The following GPHN variants were observed in gnomAD, a reference collection of about 807,000 sequenced individuals.
GPHN encodes the protein gephyrin.
In GPHN, 17 loss-of-function variants were observed where a neutral mutation model predicts 95.5. The observed-to-expected ratio is 0.18, with a 90% confidence interval of 0.12 to 0.27. The LOEUF (loss-of-function observed/expected upper bound fraction) is 0.27. Ranked by LOEUF, GPHN falls within the 10% of genes least tolerant of loss-of-function variation. GPHN has a pLI of 1.00. For missense variants in GPHN, 660 were observed against 978.1 expected, an observed-to-expected ratio of 0.67 and a Z score of 4.34; for synonymous variants, 320 against 322.5, an observed-to-expected ratio of 0.99 and a Z score of 0.08.
chr14:67,571,723 C>G, the GPHN span: 3 of 1,603,692 alleles, frequency 1.9e-6, no homozygotes, highest in Non-Finnish European at 2.6e-6. Flanking sequence ...GCAGCCTGAG[C>G]TGCAGTGAGG....
chr14:66,870,545 A>G (rs1282841247), intron 4 of GPHN, among the ~76,000 whole-genome samples: 3 of 152,166 alleles, frequency 2.0e-5, no homozygotes, highest in African/African-American at 7.2e-5. Flanking sequence ...CTGTACCTAC[A>G]CTGTGATCCA....
chr14:66,621,985 C>T (rs751154711), intron 1 of GPHN, among the ~76,000 whole-genome samples: 3 of 152,106 alleles, frequency 2.0e-5, no homozygotes, highest in Non-Finnish European at 4.4e-5. Flanking sequence ...AGGTTGGAGC[C>T]CCAGTAGGAA....
At chr14:66,826,545 T>A (rs1442188584) in intron 4 of GPHN, among the ~76,000 whole-genome samples, 1 of 152,150 alleles carries the variant, frequency 6.6e-6, no homozygotes, top group East Asian at 1.9e-4. Context: ...TCTGTCCTAC[T>A]TGACTACAAA....
At chr14:66,753,946 A>G (rs1351794164) in intron 2 of GPHN, among the ~76,000 whole-genome samples, 1 of 152,116 alleles carries the variant, frequency 6.6e-6, no homozygotes, top group Non-Finnish European at 1.5e-5. Flanking sequence ...TAGACTTTTC[A>G]TAGCAATAGA....
chr14:67,735,276 C>T, the GPHN span: 2 of 980,276 alleles, frequency 2.0e-6, no homozygotes, highest in East Asian at 4.8e-5. Flanking sequence ...TTCAGAATCG[C>T]CTCGTGCTCA....
chr14:67,624,029 C>T, the GPHN span, among the ~76,000 whole-genome samples: 1,741 of 151,914 alleles, frequency 0.011, 11 homozygotes, highest in Non-Finnish European at 0.018. Flanking sequence ...TTTGTAGAGC[C>T]GGGGTCTCAC....
the GPHN span, among the ~76,000 whole-genome samples, chr14:67,502,731 C>A: frequency 4.6e-5 from 7 of 151,908 alleles, no homozygotes; most frequent in Non-Finnish European, 1.0e-4. Context: ...GGATTATAGG[C>A]GTGAGCCACC....
At chr14:67,419,270 C>T in the GPHN span, among the ~76,000 whole-genome samples, 4 of 152,136 alleles carry the variant, frequency 2.6e-5, no homozygotes, top group Non-Finnish European at 5.9e-5. Context: ...GAGGACCCCC[C>T]AGCACAGGAA....
At chr14:67,517,978 T>C in the GPHN span, among the ~76,000 whole-genome samples, 19,778 of 152,172 alleles carry the variant, frequency 0.13, 1,715 homozygotes, top group Non-Finnish European at 0.2. Flanking sequence ...TAAAATAGCA[T>C]CTGTAACAGT....
chr14:67,229,439 A>G, the GPHN span, among the ~76,000 whole-genome samples: 2 of 152,226 alleles, frequency 1.3e-5, no homozygotes, highest in Admixed American at 6.5e-5. Flanking sequence ...AGCACCTGCA[A>G]TGTAGCTAGT....
At chr14:66,625,369 G>A (rs545259515) in intron 1 of GPHN, among the ~76,000 whole-genome samples, 4 of 152,136 alleles carry the variant, frequency 2.6e-5, no homozygotes, top group Admixed American at 2.6e-4. Context: ...CACCATGCCC[G>A]GCCATTGTCT....
chr14:67,564,122 C>T, the GPHN span, among the ~76,000 whole-genome samples: 4 of 151,658 alleles, frequency 2.6e-5, no homozygotes, highest in African/African-American at 9.7e-5. Context: ...AGGATGGTCT[C>T]GATCTCCTGA....
At chr14:67,729,883 G>T in the GPHN span, 1 of 449,466 alleles carries the variant, frequency 2.2e-6, no homozygotes, top group Non-Finnish European at 4.5e-6. Flanking sequence ...TGAGCAACTA[G>T]AGTCTGGGAG....
intron 1 of GPHN, among the ~76,000 whole-genome samples, chr14:66,525,583 A>G (rs973884337): frequency 6.6e-6 from 1 of 152,240 alleles, no homozygotes; most frequent in Middle Eastern, 3.4e-3. Flanking sequence ...TATGTCCTGA[A>G]TGGTATTGCC....
chr14:67,621,655 G>A, the GPHN span, among the ~76,000 whole-genome samples: 1 of 151,752 alleles, frequency 6.6e-6, no homozygotes, highest in Non-Finnish European at 1.5e-5. Context: ...ATGTTGGTCA[G>A]GCTGGTCTTG....
chr14:67,671,282 T>C, the GPHN span, among the ~76,000 whole-genome samples: 2 of 152,156 alleles, frequency 1.3e-5, no homozygotes, highest in South Asian at 2.1e-4. Context: ...TCCTAGCACT[T>C]TGGGAGGCCG....
chr14:67,303,562 G>C, the GPHN span: 1 of 1,613,840 alleles, frequency 6.2e-7, no homozygotes, highest in African/African-American at 1.3e-5. Context: ...CTGATTCCCA[G>C]TCAACAGATC....
At chr14:67,657,751 C>CTTTT in the GPHN span, among the ~76,000 whole-genome samples, 8 of 115,106 alleles carry the variant, frequency 7.0e-5, no homozygotes, top group South Asian at 2.8e-4. Context: ...TTCTTTCTTT[C>CTTTT]TTTTTTTTTT....
chr14:67,307,008 C>G, the GPHN span, among the ~76,000 whole-genome samples: 1 of 152,046 alleles, frequency 6.6e-6, no homozygotes, highest in South Asian at 2.1e-4. Context: ...ATCTGAAACC[C>G]CTATATAATG....
Sources: gnomAD v4.1 joint callset for allele counts (sites outside exome capture counted in the v4.1 genomes callset) on GRCh38, gnomAD v4.1.1 for gene constraint, MANE v1.5 for transcripts, NCBI Gene and HGNC (gene_info 2026-07-23, HGNC 2026-07-21) for gene names.